The following CASZ1 variants were observed in gnomAD, a reference collection of about 807,000 sequenced individuals.
CASZ1 encodes the protein zinc finger protein castor homolog 1.
Under a neutral mutation model 135.2 loss-of-function variants are expected in CASZ1, and 28 were observed. That is an observed-to-expected ratio of 0.21 (90% CI 0.15 to 0.28). The LOEUF is 0.28. CASZ1 is among the 10% of genes least tolerant of loss of function. The pLI, the probability that CASZ1 is intolerant of heterozygous loss-of-function variation, is 1.00. For synonymous variants in CASZ1, 1,068 were observed against 1,073.4 expected, an observed-to-expected ratio of 0.99 and a Z score of 0.10; for missense variants, 2,161 against 2,453.3, an observed-to-expected ratio of 0.88 and a Z score of 2.52.
intron 5 of CASZ1, among the ~76,000 whole-genome samples, chr1:10,663,719 G>A (rs910715886): frequency 1.3e-5 from 2 of 152,246 alleles, no homozygotes; most frequent in African/African-American, 4.8e-5. Context: ...GCCCACAGAG[G>A]CAGCCAAGGC....
chr1:10,744,155 C>T (rs1157674993), intron 2 of CASZ1, among the ~76,000 whole-genome samples: 1 of 152,058 alleles, frequency 6.6e-6, no homozygotes, highest in African/African-American at 2.4e-5. Flanking sequence ...TTGCTCCCTC[C>T]CCACCCGTAA....
At position 10,725,167 on chromosome 1, in the gene CASZ1, C is replaced by T. The variant is rs959939044; in HGVS notation, c.-76-19623G>A. Reference sequence around the variant, plus strand: ...GCCAGGGAGCCCTGGATGGATACGGCGAGAACGTGTTAAGACCAAGGAGTG... The same window carrying T: ...GCCAGGGAGCCCTGGATGGATACGGTGAGAACGTGTTAAGACCAAGGAGTG... On this transcript the variant is annotated intron_variant, in intron 2 of 20. Transcript: ENST00000377022. This position sits in a 1 kb window ranked among gnomAD's most constrained non-coding sequence, Gnocchi z 4.4. 5.9e-5 allele frequency among the ~76,000 whole-genome samples: 9 copies of T among 152,160 alleles called. No individual in the cohort carries two copies. The highest frequency in any genetic ancestry group is 9.7e-5 in the African/African-American group (4 of 41,438).
intron 17 of CASZ1, among the ~76,000 whole-genome samples, 185 bp from the exon 18 acceptor site, chr1:10,645,273 A>G (rs1238951360): frequency 2.6e-5 from 4 of 152,116 alleles, no homozygotes; most frequent in African/African-American, 9.7e-5. Flanking sequence ...GCTCACGCCT[A>G]TAATCCCAGC....
intron 2 of CASZ1, among the ~76,000 whole-genome samples, chr1:10,745,531 G>A (rs142391255): frequency 2.0e-5 from 3 of 152,300 alleles, no homozygotes; most frequent in Non-Finnish European, 4.4e-5. Context: ...GCCACACAGG[G>A]TCTCATACTC....
chr1:10,654,868 G>C (rs1290964795), intron 9 of CASZ1, among the ~76,000 whole-genome samples: 1 of 152,216 alleles, frequency 6.6e-6, no homozygotes, highest in Non-Finnish European at 1.5e-5. Flanking sequence ...GGCACTTTTT[G>C]GCCCAGGGGA....
intron 2 of CASZ1, among the ~76,000 whole-genome samples, chr1:10,736,248 C>T (rs1000319912): frequency 7.2e-5 from 11 of 152,230 alleles, no homozygotes; most frequent in African/African-American, 2.4e-4. Flanking sequence ...ACCTGCCTCC[C>T]TCACACTCCT....
intron 4 of CASZ1, among the ~76,000 whole-genome samples, chr1:10,668,127 T>A (rs1399523785): frequency 6.6e-6 from 1 of 152,014 alleles, no homozygotes; most frequent in Non-Finnish European, 1.5e-5. Context: ...AGGTAGGGCT[T>A]AGGTTTGTAA....
chr1:10,660,911 T>G, intron 5 of CASZ1: 1 of 233,804 alleles, frequency 4.3e-6, no homozygotes, highest in South Asian at 5.9e-5. Context: ...CCAACCTGCC[T>G]CCCAGGACAG....
chr1:10,682,026 G>A (rs866444290), intron 4 of CASZ1, among the ~76,000 whole-genome samples: 4 of 152,148 alleles, frequency 2.6e-5, no homozygotes, highest in African/African-American at 7.2e-5. Context: ...AGTGAAGTGC[G>A]ACTCTCTCCC....
chr1:10,718,180 T>C (rs954131018), intron 2 of CASZ1, among the ~76,000 whole-genome samples: 12 of 152,100 alleles, frequency 7.9e-5, no homozygotes, highest in Non-Finnish European at 2.9e-5. Flanking sequence ...AAGTGAGAGA[T>C]GTTCCTCCCC....
At position 10,679,052 on chromosome 1, in the gene CASZ1, G is replaced by A. The variant is rs138020363; in HGVS notation, c.17-13481C>T. Among the ~76,000 whole-genome samples, 5 of 152,262 alleles carry A rather than the reference G, an allele frequency of 3.3e-5. No individual in the cohort carries two copies. Among genetic ancestry groups the A allele is most frequent in the East Asian group, 1.9e-4 (1 of 5,164 alleles). Reference sequence around the variant, plus strand: ...CTCTCTGGCTATCTCTGGCCTATGCGTGTCCCCTCACTCTCCTCCATCACT... The same window carrying A: ...CTCTCTGGCTATCTCTGGCCTATGCATGTCCCCTCACTCTCCTCCATCACT... On this transcript the variant is annotated intron_variant, in intron 4 of 20. Transcript: ENST00000377022. This position sits in a 1 kb window ranked among gnomAD's most constrained non-coding sequence, Gnocchi z 4.7.
intron 5 of CASZ1, among the ~76,000 whole-genome samples, chr1:10,662,339 C>A (rs1458624403): frequency 3.3e-5 from 5 of 150,692 alleles, no homozygotes; most frequent in Non-Finnish European, 7.4e-5. Flanking sequence ...CAGTCACATG[C>A]TCACAATCAC....
intron 2 of CASZ1, among the ~76,000 whole-genome samples, chr1:10,738,279 C>G (rs986931155): frequency 6.6e-6 from 1 of 152,102 alleles, no homozygotes; most frequent in Admixed American, 6.5e-5. Context: ...GTGAGGAAGG[C>G]GGGAATGGGG....
intron 1 of CASZ1, among the ~76,000 whole-genome samples, chr1:10,775,941 G>A (rs933859152): frequency 7.2e-5 from 11 of 152,218 alleles, no homozygotes; most frequent in Admixed American, 5.2e-4. Flanking sequence ...CAGCCTCTCC[G>A]TGTGATACTG....
intron 2 of CASZ1, among the ~76,000 whole-genome samples, chr1:10,746,480 G>C (rs72860193): frequency 0.025 from 3,838 of 152,324 alleles, 189 homozygotes; most frequent in African/African-American, 0.086. Flanking sequence ...GAAGCTCCCA[G>C]AGGAAGGAGT....
intron 3 of CASZ1, chr1:10,704,255 CAG>C (rs966194908): frequency 6.6e-6 from 1 of 152,394 alleles, no homozygotes; most frequent in African/African-American, 2.4e-5. Flanking sequence ...CTCCATGAGA[CAG>C]GGGTGAGGCC....
chr1:10,649,120 C>G lies in CASZ1; in HGVS notation c.3108G>C (p.Glu1036Asp), dbSNP rs902513842. 9.3e-6 allele frequency: 15 copies of G among 1,613,600 alleles called. No homozygotes were observed. Among genetic ancestry groups the G allele is most frequent in the African/African-American group, 8.0e-5 (6 of 74,964 alleles). The change falls in exon 15 of 21, where the codon GAG (glutamate) becomes GAC (aspartate). Residue 1036 changes from glutamate to aspartate, a missense_variant. Physicochemically the swap from Glu to Asp is conservative, Grantham distance 45. Around this residue, in one of 7 missense-constraint regions of CASZ1, gnomAD observed 349 missense variants for 460.8 expected, o/e 0.76. Coordinates refer to ENST00000377022, the MANE Select transcript of CASZ1 (RefSeq NM_001079843.3). The part of the protein sequence containing the change: ...LHKAHFHCVV[E>D]ECGALFSTLD... ...AGGTGCTGAAGAGCGCGCCGCATTC[C>G]TCCACCACGCAGTGGAAGTGGGCCT...
chr1:10,784,086 C>A (rs944435223), intron 1 of CASZ1, among the ~76,000 whole-genome samples: 5 of 152,072 alleles, frequency 3.3e-5, no homozygotes, highest in African/African-American at 9.7e-5. Context: ...TCACAAAGGT[C>A]CTAAGTGGGA....
In CASZ1 at chr1:10,663,126, A is replaced by G. The variant is rs186507282; in HGVS notation, c.505+1957T>C. ...ATGTGCAAGCCAGCCACGTGGGCAC[A>G]CTTGGGGCGGCAGGACCCCAGGCTG... is the stretch of plus-strand genomic sequence containing the variant. On this transcript the variant is annotated intron_variant, in intron 5 of 20. Coordinates refer to ENST00000377022, the MANE Select transcript of CASZ1 (RefSeq NM_001079843.3). 5.9e-3 allele frequency among the ~76,000 whole-genome samples: 905 copies of G among 152,314 alleles called. 8 individuals carry two copies. Among genetic ancestry groups the G allele is most frequent in the African/African-American group, 0.02 (840 of 41,570 alleles).
Sources: gnomAD v4.1 joint callset for allele counts (sites outside exome capture counted in the v4.1 genomes callset) on GRCh38, gnomAD v4.1.1 for gene constraint, gnomAD v4.1.1 regional missense constraint, Gnocchi (gnomAD v3.1) non-coding constraint, MANE v1.5 for transcripts, NCBI Gene and HGNC (gene_info 2026-07-23, HGNC 2026-07-21) for gene names.